Variants in SLC8A3 observed in about 807,000 individuals in gnomAD.
The protein encoded by SLC8A3 is sodium/calcium exchanger 3.
Under a neutral mutation model 65.4 loss-of-function variants are expected in SLC8A3, and 37 were observed. The ratio of observed to expected loss-of-function variants is 0.57; its 90% CI spans 0.44 to 0.74. The LOEUF (loss-of-function observed/expected upper bound fraction) is 0.74, where lower values mean the gene tolerates loss of function less well. Among genes scored for constraint, SLC8A3 ranks in the 30% least tolerant of loss-of-function variants. The pLI is 0.00. For missense variants in SLC8A3, 1,112 were observed against 1,172.1 expected (o/e 0.95, Z 0.75); for synonymous variants, 461 against 444.5 (o/e 1.04, Z -0.47).
At chr14:70,126,578 A>T (rs866318152) in intron 2 of SLC8A3, among the ~76,000 whole-genome samples, 1,649 of 106,604 alleles carry the variant, frequency 0.015, 13 homozygotes, top group African/African-American at 0.033. Flanking sequence ...TCTCACACAC[A>T]CACACACACA....
chr14:70,102,876 G>T (rs371753398), intron 2 of SLC8A3, among the ~76,000 whole-genome samples: 185 of 151,912 alleles, frequency 1.2e-3, no homozygotes, highest in Non-Finnish European at 2.0e-3. Flanking sequence ...AAAGAATGGA[G>T]AAGAAAAATT....
chr14:70,182,081 T>C (rs1357401586), intron 1 of SLC8A3, among the ~76,000 whole-genome samples: 2 of 152,038 alleles, frequency 1.3e-5, no homozygotes, highest in East Asian at 3.9e-4. Context: ...GGCATGGGCT[T>C]ATAAAATACA....
intron 1 of SLC8A3, among the ~76,000 whole-genome samples, chr14:70,181,416 G>A (rs1281815559): frequency 6.6e-6 from 1 of 150,558 alleles, no homozygotes; most frequent in South Asian, 2.1e-4. Flanking sequence ...GTGACATAGA[G>A]TGGGAGACAG....
chr14:70,155,302 T>G (rs1896512276), intron 2 of SLC8A3, among the ~76,000 whole-genome samples: 1 of 152,132 alleles, frequency 6.6e-6, no homozygotes, highest in Non-Finnish European at 1.5e-5. Context: ...TTAACCATAT[T>G]CACCCTACAG....
chr14:70,113,460 A>G (rs980051756), intron 2 of SLC8A3, among the ~76,000 whole-genome samples: 2 of 152,244 alleles, frequency 1.3e-5, no homozygotes, highest in Non-Finnish European at 2.9e-5. Context: ...TATGCAGCGC[A>G]TGATTGTATC....
Position 70,052,063 on chromosome 14 carries a change from G to A in SLC8A3, c.1940C>T (p.Ala647Val). The change falls in exon 4 of 7, where the codon GCA (alanine) becomes GTA (valine). Residue 647 changes from alanine to valine, a missense_variant. Physicochemically the swap from Ala to Val is moderately conservative, Grantham distance 64 (BLOSUM62 0). Transcript: ENST00000356921. Reference protein sequence around the residue: ...TMEEEEAKRIAEMGKPVLGEH... With the variant: ...TMEEEEAKRIVEMGKPVLGEH... ...ACCCAATACTGGCTTTCCCATCTCTGCTATCCTCTTGGCCTCCTCTTCTTC... is the reference window on the plus strand; with the variant it reads ...ACCCAATACTGGCTTTCCCATCTCTACTATCCTCTTGGCCTCCTCTTCTTC... 1.2e-6 allele frequency: 2 copies of A among 1,611,804 alleles called. No individual in the cohort carries two copies. The highest frequency in any genetic ancestry group is 1.7e-6 in the Non-Finnish European group (2 of 1,179,414).
At chr14:70,165,009 T>G (rs554965654) in intron 2 of SLC8A3, among the ~76,000 whole-genome samples, 3 of 152,318 alleles carry the variant, frequency 2.0e-5, no homozygotes, top group African/African-American at 7.2e-5. Flanking sequence ...TCAATGGCCA[T>G]TTCCCTTCAG....
chr14:70,056,812 A>G (rs973568542), intron 3 of SLC8A3, among the ~76,000 whole-genome samples: 1 of 152,228 alleles, frequency 6.6e-6, no homozygotes, highest in African/African-American at 2.4e-5. Flanking sequence ...TGAGTTAAAG[A>G]CACACCCAAT....
chr14:70,095,569 G>T (rs1051011571), intron 2 of SLC8A3, among the ~76,000 whole-genome samples: 1 of 152,152 alleles, frequency 6.6e-6, no homozygotes, highest in East Asian at 1.9e-4. Flanking sequence ...ACTCCATTTC[G>T]CTGCCCTTTG....
chr14:70,076,982 A>G (rs960289625), intron 2 of SLC8A3, among the ~76,000 whole-genome samples: 3 of 152,220 alleles, frequency 2.0e-5, no homozygotes, highest in Non-Finnish European at 4.4e-5. Context: ...GATGAGTGCA[A>G]TAATAAAACC....
Position 70,168,411 on chromosome 14 carries a change from T to C in SLC8A3, c.12A>G (p.Leu4=), listed in dbSNP as rs780160090. 6.2e-7 allele frequency: 1 copy of C among 1,613,174 alleles called. No individual in the cohort carries two copies. The highest frequency in any genetic ancestry group is 1.3e-5 in the African/African-American group (1 of 74,876). Residue 4 remains leucine (L), a synonymous_variant, in exon 2 of 7, where the codon TTA becomes TTG. Transcript: ENST00000356921. MAW[L]RLQPLTSAFL... ...AGGCAGAGGTGAGAGGCTGCAACCT[T>C]AACCACGCCATACACGAGACTTAGC...
intron 2 of SLC8A3, among the ~76,000 whole-genome samples, chr14:70,134,067 G>C (rs746376259): frequency 6.6e-6 from 1 of 152,172 alleles, no homozygotes; most frequent in African/African-American, 2.4e-5. Context: ...TCCTGACCCA[G>C]CACTGAGATG....
rs781267376 is a variant in SLC8A3, at chr14:70,168,294, C to G, written c.129G>C (p.Gln43His). The G allele has an allele frequency of 1.9e-6, 3 of 1,614,158 alleles. No homozygotes were observed. Among genetic ancestry groups the G allele is most frequent in the Admixed American group, 3.3e-5 (2 of 60,020 alleles). ...ATGACCCTGAACAGGACTCATTGTT[C>G]TGCCCTGTGCTTGGCACGTCCCCTG... ...GGSGDVPSTGQNNESCSGSSD... is the reference protein window; with the variant it reads ...GGSGDVPSTGHNNESCSGSSD... Residue 43 changes from glutamine (Q) to histidine (H), a missense_variant, in exon 2 of 7, where the codon CAG (glutamine) becomes CAC (histidine). By Grantham distance (24) the Gln-to-His change is conservative (BLOSUM62 0). Coordinates refer to ENST00000356921, the MANE Select transcript of SLC8A3 (RefSeq NM_182932.3).
At chr14:70,073,996 G>C (rs1419981876) in intron 2 of SLC8A3, among the ~76,000 whole-genome samples, 1 of 152,194 alleles carries the variant, frequency 6.6e-6, no homozygotes, top group Non-Finnish European at 1.5e-5. Context: ...ATTTCAATTA[G>C]AGACTTAACT....
intron 2 of SLC8A3, among the ~76,000 whole-genome samples, chr14:70,133,430 G>A (rs990603725): frequency 3.9e-5 from 6 of 152,088 alleles, no homozygotes; most frequent in Admixed American, 2.0e-4. Flanking sequence ...GAGGCCTAAG[G>A]ACCCCTTCTG....
At chr14:70,161,467 G>GCCAA (rs1896891602) in intron 2 of SLC8A3, among the ~76,000 whole-genome samples, 1 of 152,054 alleles carries the variant, frequency 6.6e-6, no homozygotes, top group African/African-American at 2.4e-5. Flanking sequence ...ACAAATCTGT[G>GCCAA]CCAAGTACAC....
Position 70,126,437 on chromosome 14 carries a change from C to G in SLC8A3, c.1784+40202G>C, listed in dbSNP as rs555872359. On this transcript the variant is annotated intron_variant, in intron 2 of 6. Coordinates refer to ENST00000356921, the MANE Select transcript of SLC8A3 (RefSeq NM_182932.3). ...ACTGGGAGGCTTCTGAAATCAAGGA[C>G]CTAATGAATTCCTTTATTTGCTTAG... Among the ~76,000 whole-genome samples the G allele has an allele frequency of 7.2e-5, 11 of 152,088 alleles. No individual in the cohort carries two copies. The South Asian group carries it at 2.3e-3, about 32-fold the overall frequency.
intron 2 of SLC8A3, among the ~76,000 whole-genome samples, chr14:70,110,673 CT>C (rs71102684): frequency 2.7e-3 from 252 of 91,814 alleles, no homozygotes; most frequent in African/African-American, 8.7e-3. Flanking sequence ...ATACCTCTTT[CT>C]TTTTTTTTTT....
intron 1 of SLC8A3, among the ~76,000 whole-genome samples, chr14:70,171,674 C>A (rs1897547529): frequency 6.6e-6 from 1 of 152,110 alleles, no homozygotes; most frequent in Non-Finnish European, 1.5e-5. Flanking sequence ...GTGGTGCACG[C>A]CTATAATCCC....
Sources: allele counts gnomAD v4.1 joint callset (sites outside exome capture counted in the v4.1 genomes callset), GRCh38; gene constraint gnomAD v4.1.1; transcripts MANE v1.5; gene names NCBI Gene and HGNC (gene_info 2026-07-23, HGNC 2026-07-21).